GOLT1B: variants seen among roughly 807,000 people sequenced by gnomAD.
The protein encoded by GOLT1B is vesicle transport protein GOT1B.
GOLT1B carries 3 observed loss-of-function variants against 15.4 expected under a neutral mutation model. The ratio of observed to expected loss-of-function variants is 0.19; its 90% confidence interval spans 0.09 to 0.50. The LOEUF is 0.50. GOLT1B is among the 20% of genes least tolerant of loss of function. The probability of loss-of-function intolerance (pLI) is 0.97; values close to 1 mark genes in which losing one functional copy is unlikely to be tolerated. For missense variants in GOLT1B, 145 were observed against 160.4 expected (o/e 0.90, Z 0.52); for synonymous variants, 65 against 56.2 (o/e 1.16, Z -0.70).
At chr12:21,503,977 T>G (rs1252016646) in intron 1 of GOLT1B, among the ~76,000 whole-genome samples, 1 of 152,216 alleles carries the variant, frequency 6.6e-6, no homozygotes, top group Non-Finnish European at 1.5e-5. Flanking sequence ...AATTGCATTC[T>G]CCAGTACAGT....
At chr12:21,503,848 G>A (rs1943658792) in intron 1 of GOLT1B, among the ~76,000 whole-genome samples, 1 of 131,142 alleles carries the variant, frequency 7.6e-6, no homozygotes, top group African/African-American at 3.0e-5. Context: ...ATTATTTTAA[G>A]GCATTCTAGG....
At chr12:21,506,805 T>C (rs1214373624) in intron 1 of GOLT1B, 80 bp from the exon 2 acceptor site, 8 of 616,246 alleles carry the variant, frequency 1.3e-5, no homozygotes, top group Middle Eastern at 7.1e-4. Context: ...AAAGGAAAAC[T>C]GGAAAATTTT....
At chr12:21,511,217 G>T (rs1943717007) in intron 3 of GOLT1B, among the ~76,000 whole-genome samples, 1 of 152,110 alleles carries the variant, frequency 6.6e-6, no homozygotes, top group Non-Finnish European at 1.5e-5. Flanking sequence ...TTACTAGAGA[G>T]GCTCACAGAG....
intron 2 of GOLT1B, chr12:21,507,988 A>ATTTATGGG (rs1943691647): frequency 2.2e-6 from 1 of 452,092 alleles, no homozygotes; most frequent in African/African-American, 2.0e-5. Flanking sequence ...CAAGAGGAAT[A>ATTTATGGG]CCCTTGGGTG....
chr12:21,505,837 G>A (rs114676374), intron 1 of GOLT1B, among the ~76,000 whole-genome samples: 67 of 152,016 alleles, frequency 4.4e-4, no homozygotes, highest in African/African-American at 1.6e-3. Flanking sequence ...ACTAAACTAC[G>A]GATTAATGGC....
chr12:21,501,999 C>A, intron 1 of GOLT1B, 51 bp downstream of exon 1: 1 of 1,373,992 alleles, frequency 7.3e-7, no homozygotes, highest in Non-Finnish European at 1.0e-6. Context: ...ACCCATCGCC[C>A]GGCTGGGTCT....
rs756080215 is a variant in GOLT1B, at chr12:21,508,475, T to C, written c.210T>C (p.Phe70=). 1.9e-6 allele frequency: 3 copies of C among 1,590,512 alleles called. No individual in the cohort carries two copies. Among genetic ancestry groups the C allele is most frequent in the Admixed American group, 1.7e-5 (1 of 59,756 alleles). ...AACATAAAATGAAAGCTACAGGTTT[T>C]TTTCTGGGTGGTGTATTTGTAGTCC... ...FQKHKMKATG[F]FLGGVFVVLI... Residue 70 remains phenylalanine (F), a synonymous_variant, in exon 3 of 5, where the codon TTT becomes TTC. Coordinates refer to ENST00000229314, the MANE Select transcript of GOLT1B (RefSeq NM_016072.5).
At position 21,516,289 on chromosome 12, in the gene GOLT1B, G is replaced by A. The variant is rs557334475; in HGVS notation, c.*582G>A. The A allele has an allele frequency of 4.6e-5, 7 of 152,178 alleles. No individual in the cohort carries two copies. The East Asian group carries it at 1.3e-3, about 29-fold the overall frequency. The allele number at this position is 152,178 out of a possible 1,614,324, so 9.4% of individuals were successfully genotyped here. ...TCTGAATCTTAATATTTCAAAGCCA[G>A]GTGAAAATCTGAACTAGATATTCTT... On this transcript the variant is annotated 3_prime_UTR_variant, in exon 5 of 5. Coordinates refer to ENST00000229314, the MANE Select transcript of GOLT1B (RefSeq NM_016072.5).
In GOLT1B at chr12:21,510,493, T is replaced by C. The variant is rs77253043; in HGVS notation, c.297-1802T>C. Among the ~76,000 whole-genome samples, 1,092 of 152,298 alleles carry C rather than the reference T, an allele frequency of 7.2e-3. 14 individuals are homozygous for C. Among genetic ancestry groups the C allele is most frequent in the African/African-American group, 0.025 (1,046 of 41,560 alleles). Reference sequence around the variant, plus strand: ...TGGAGTAATACACAGGTTTCGTGGTTTAGAGAGCTTTGTGGTATAAATACT... The same window carrying C: ...TGGAGTAATACACAGGTTTCGTGGTCTAGAGAGCTTTGTGGTATAAATACT... On this transcript the variant is annotated intron_variant, in intron 3 of 4. Coordinates refer to ENST00000229314, the MANE Select transcript of GOLT1B (RefSeq NM_016072.5).
At chr12:21,514,129 CT>C (rs910623105) in intron 4 of GOLT1B, among the ~76,000 whole-genome samples, 140 of 152,284 alleles carry the variant, frequency 9.2e-4, no homozygotes, top group African/African-American at 3.3e-3. Context: ...GGCTACAATC[CT>C]TTTGGCTCTA....
At position 21,508,889 on chromosome 12, in the gene GOLT1B, G is replaced by GTAGGTAGATAGATAGATAGA. The variant is rs71962761; in HGVS notation, c.296+331_296+332insGTAGATAGATAGATAGATAG. ...GATCGATCAATCGGTAGGTAGGTAG[G>GTAGGTAGATAGATAGATAGA]TAGATAGATAGATAGATAGATAGAT... is the stretch of plus-strand genomic sequence containing the variant. On this transcript the variant is annotated intron_variant, in intron 3 of 4. Transcript: ENST00000229314. Among the ~76,000 whole-genome samples the GTAGGTAGATAGATAGATAGA allele has an allele frequency of 3.2e-4, 21 of 65,378 alleles. No individual in the cohort carries two copies. In the South Asian group the frequency reaches 6.3e-3, roughly 20 times the overall value. The allele number at this position is 65,378 out of a possible 152,430, so 42.9% of individuals were successfully genotyped here. A position where few individuals can be genotyped will look rare whatever the true frequency, so the allele number is the denominator to read the frequency against.
At chr12:21,511,988 G>T (rs1259598506) in intron 3 of GOLT1B, among the ~76,000 whole-genome samples, 2 of 151,988 alleles carry the variant, frequency 1.3e-5, no homozygotes, top group African/African-American at 4.8e-5. Flanking sequence ...TATTTTCATG[G>T]TTCTACACAT....
chr12:21,508,805 A>G (rs1943697776), intron 3 of GOLT1B, among the ~76,000 whole-genome samples: 1 of 152,172 alleles, frequency 6.6e-6, no homozygotes, highest in Non-Finnish European at 1.5e-5. Flanking sequence ...TTGGCATTTT[A>G]AGGCACCATC....
At position 21,508,330 on chromosome 12, in the gene GOLT1B, T is replaced by G. The variant is rs1177139463; in HGVS notation, c.118-53T>G. 6 of 1,054,776 alleles carry G rather than the reference T, an allele frequency of 5.7e-6. No individual in the cohort carries two copies. The African/African-American group carries it at 8.0e-5, about 14-fold the overall frequency. 65.3% of individuals were successfully genotyped at this position (1,054,776 alleles called of 1,614,324 possible). The stretch of plus-strand genomic sequence containing the variant: ...TTAGCTTTGACTTTACGTTTAAAAT[T>G]TATGCATTGTGTTTAATTACCTTTT... On this transcript the variant is annotated intron_variant, in intron 2 of 4. Coordinates refer to ENST00000229314, the MANE Select transcript of GOLT1B (RefSeq NM_016072.5).
At chr12:21,503,908 G>A (rs565095783) in intron 1 of GOLT1B, among the ~76,000 whole-genome samples, 111 of 152,332 alleles carry the variant, frequency 7.3e-4, no homozygotes, top group African/African-American at 2.5e-3. Flanking sequence ...AGGGGCGGAG[G>A]AGGGGCATGC....
rs890966406 is a variant in GOLT1B at position 21,512,239 on chromosome 12, T to G, written c.297-56T>G. 3 of 877,492 alleles carry G rather than the reference T, an allele frequency of 3.4e-6. No individual in the cohort carries two copies. The Admixed American group carries it at 6.1e-5, about 18-fold the overall frequency. 54.4% of individuals were successfully genotyped at this position (877,492 alleles called of 1,614,324 possible). On this transcript the variant is annotated intron_variant, in intron 3 of 4. Coordinates refer to ENST00000229314, the MANE Select transcript of GOLT1B (RefSeq NM_016072.5). Reference sequence around the variant, plus strand: ...ACTTTCTTTTTCCTTGGTTAGCAATTATTTTGAAAATAGAAAATGTGTAAA... The same window carrying G: ...ACTTTCTTTTTCCTTGGTTAGCAATGATTTTGAAAATAGAAAATGTGTAAA...
rs1374584095 is a variant in GOLT1B at position 21,516,069 on chromosome 12, T to G, written c.*362T>G. The G allele has an allele frequency of 5.7e-6, 1 of 174,414 alleles. No homozygotes were observed. Among genetic ancestry groups the G allele is most frequent in the African/African-American group, 2.4e-5 (1 of 42,336 alleles). The allele number at this position is 174,414 out of a possible 1,614,324, so 10.8% of individuals were successfully genotyped here. A position where few individuals can be genotyped will look rare whatever the true frequency, so the allele number is the denominator to read the frequency against. On this transcript the variant is annotated 3_prime_UTR_variant, in exon 5 of 5. Transcript: ENST00000229314. Reference sequence around the variant, plus strand: ...TTTTTATTTTGAAGGCTCAGGAGCATCCATAGGCATTTGCTTTTTAGAAAT... The same window carrying G: ...TTTTTATTTTGAAGGCTCAGGAGCAGCCATAGGCATTTGCTTTTTAGAAAT...
At chr12:21,504,106 G>A (rs945836045) in intron 1 of GOLT1B, among the ~76,000 whole-genome samples, 1 of 152,214 alleles carries the variant, frequency 6.6e-6, no homozygotes, top group African/African-American at 2.4e-5. Context: ...TTTGCCATTA[G>A]ATTATGCGTG....
intron 1 of GOLT1B, chr12:21,504,454 GTT>G (rs1287394230): frequency 1.4e-5 from 6 of 441,654 alleles, no homozygotes; most frequent in African/African-American, 1.2e-4. Flanking sequence ...TGGCAAAGAT[GTT>G]TTGGGCAATG....
Sources: allele counts gnomAD v4.1 joint callset (sites outside exome capture counted in the v4.1 genomes callset), GRCh38; gene constraint gnomAD v4.1.1; transcripts MANE v1.5; gene names NCBI Gene and HGNC (gene_info 2026-07-23, HGNC 2026-07-21).